Variants in PHF24 observed in about 807,000 individuals in gnomAD.
The protein encoded by PHF24 is Galpha inhibitory interacting protein.
In PHF24, 25 loss-of-function variants were observed where a neutral mutation model predicts 42.6. The ratio of observed to expected loss-of-function variants is 0.59; its 90% CI spans 0.43 to 0.82. The LOEUF (loss-of-function observed/expected upper bound fraction) is 0.82. Among genes scored for constraint, PHF24 ranks in the 40% least tolerant of loss-of-function variants. The pLI is 0.00. For synonymous variants in PHF24, 185 were observed against 204.8 expected (o/e 0.90, Z 0.83); for missense variants, 470 against 538.1 (o/e 0.87, Z 1.25).
the PHF24 span, among the ~76,000 whole-genome samples, chr9:34,952,462 G>A: frequency 4.9e-4 from 75 of 152,244 alleles, 1 homozygote; most frequent in African/African-American, 1.6e-3. Flanking sequence ...AAGATTTAGC[G>A]CAGTGCCAAT....
chr9:34,728,249 A>G, the PHF24 span, among the ~76,000 whole-genome samples: 1 of 152,366 alleles, frequency 6.6e-6, no homozygotes, highest in Admixed American at 6.5e-5. Context: ...ACAATGTCCC[A>G]TATCTAATTT....
chr9:34,975,746 G>T (rs966519143), intron 3 of PHF24, among the ~76,000 whole-genome samples: 2 of 151,428 alleles, frequency 1.3e-5, no homozygotes, highest in African/African-American at 4.9e-5. Context: ...TAACACAGAA[G>T]CCAAGTAGAT....
chr9:34,964,875 C>A (rs1213510958), intron 1 of PHF24, among the ~76,000 whole-genome samples: 1 of 152,118 alleles, frequency 6.6e-6, no homozygotes, highest in African/African-American at 2.4e-5. Flanking sequence ...TTTTTCCAGG[C>A]CTTCCCTAGA....
At chr9:34,977,954 G>T in intron 7 of PHF24, 61 bp from the exon 8 acceptor site, 1 of 1,300,992 alleles carries the variant, frequency 7.7e-7, no homozygotes, top group Non-Finnish European at 1.1e-6. Context: ...GCTGCCCCTG[G>T]GATCAGGGCT....
At chr9:34,730,021 A>G in the PHF24 span, among the ~76,000 whole-genome samples, 4 of 152,110 alleles carry the variant, frequency 2.6e-5, no homozygotes, top group Admixed American at 1.3e-4. Context: ...GGTTGTACGT[A>G]TCTGGTCTGT....
chr9:34,755,350 A>C, the PHF24 span, among the ~76,000 whole-genome samples: 1 of 152,140 alleles, frequency 6.6e-6, no homozygotes, highest in Non-Finnish European at 1.5e-5. Context: ...TGTACCCACA[A>C]AAATAAAAAA....
At chr9:34,690,891 T>C in the PHF24 span, among the ~76,000 whole-genome samples, 2 of 152,072 alleles carry the variant, frequency 1.3e-5, no homozygotes, top group African/African-American at 4.8e-5. Context: ...CACACCCGCA[T>C]TGGGATTCAG....
chr9:34,861,490 ACTT>A, the PHF24 span, among the ~76,000 whole-genome samples: 2 of 152,180 alleles, frequency 1.3e-5, no homozygotes, highest in Non-Finnish European at 2.9e-5. Flanking sequence ...TTATCATAGA[ACTT>A]CTTCTGTGCC....
chr9:34,713,505 C>A, the PHF24 span, among the ~76,000 whole-genome samples: 1 of 150,228 alleles, frequency 6.7e-6, no homozygotes, highest in Non-Finnish European at 1.5e-5. Context: ...AGTACCACCC[C>A]CCCTGCTTGT....
chr9:34,728,750 T>C, the PHF24 span: 1 of 1,126,276 alleles, frequency 8.9e-7, no homozygotes, highest in South Asian at 1.4e-5. Flanking sequence ...TTCACTCGCT[T>C]TGTATATATC....
the PHF24 span, among the ~76,000 whole-genome samples, chr9:34,674,853 T>A: frequency 6.6e-6 from 1 of 152,004 alleles, no homozygotes; most frequent in Non-Finnish European, 1.5e-5. Context: ...TTGTGTATGG[T>A]GTTTTTGTTG....
the PHF24 span, among the ~76,000 whole-genome samples, chr9:34,771,569 A>G: frequency 6.6e-6 from 1 of 152,210 alleles, no homozygotes; most frequent in Non-Finnish European, 1.5e-5. Context: ...CAATGGTTAC[A>G]TTTTATATAA....
the PHF24 span, among the ~76,000 whole-genome samples, chr9:34,888,871 G>A: frequency 3.3e-5 from 5 of 152,282 alleles, no homozygotes; most frequent in South Asian, 6.2e-4. Context: ...CCTAAAACAA[G>A]GGCCTTTCTT....
chr9:34,875,070 C>G, the PHF24 span, among the ~76,000 whole-genome samples: 1 of 152,110 alleles, frequency 6.6e-6, no homozygotes, highest in Non-Finnish European at 1.5e-5. Context: ...TTAATTCTAT[C>G]TTTTTGAACC....
At chr9:34,883,550 T>G in the PHF24 span, among the ~76,000 whole-genome samples, 2 of 151,964 alleles carry the variant, frequency 1.3e-5, no homozygotes, top group Non-Finnish European at 2.9e-5. Flanking sequence ...AAAAAGTGGG[T>G]GAAGGATATG....
the PHF24 span, among the ~76,000 whole-genome samples, chr9:34,862,342 C>G: frequency 6.6e-6 from 1 of 152,116 alleles, no homozygotes; most frequent in Non-Finnish European, 1.5e-5. Context: ...AGTGCTTGCA[C>G]CACCCCTCCA....
chr9:34,767,630 G>A, the PHF24 span, among the ~76,000 whole-genome samples: 10 of 152,226 alleles, frequency 6.6e-5, no homozygotes, highest in African/African-American at 2.4e-4. Flanking sequence ...GACTAGGAAA[G>A]GGAACTCCCT....
the PHF24 span, among the ~76,000 whole-genome samples, chr9:34,828,373 C>T: frequency 6.6e-6 from 1 of 152,112 alleles, no homozygotes; most frequent in Non-Finnish European, 1.5e-5. Flanking sequence ...CTCTTTTCCT[C>T]ATCAGTTTAT....
At chr9:34,876,626 C>T in the PHF24 span, among the ~76,000 whole-genome samples, 1 of 152,002 alleles carries the variant, frequency 6.6e-6, no homozygotes, top group Non-Finnish European at 1.5e-5. Flanking sequence ...AAATCAACAC[C>T]ACAATTATAC....
Sources: gnomAD v4.1 joint callset for allele counts (sites outside exome capture counted in the v4.1 genomes callset) on GRCh38, gnomAD v4.1.1 for gene constraint, MANE v1.5 for transcripts, NCBI Gene and HGNC (gene_info 2026-07-23, HGNC 2026-07-21) for gene names.